The following CEP78 variants were observed in gnomAD, a reference collection of about 807,000 sequenced individuals.
CEP78 encodes the protein centrosomal protein of 78 kDa.
A neutral mutation model predicts 81.2 loss-of-function variants in CEP78; 76 were observed. That is an observed-to-expected ratio of 0.94 (90% CI 0.78 to 1.13). The LOEUF (loss-of-function observed/expected upper bound fraction) is 1.13. CEP78 is among the 50% of genes most tolerant of loss of function. CEP78 has a pLI of 0.00. For missense variants in CEP78, 918 were observed against 846.8 expected, an observed-to-expected ratio of 1.08 and a Z score of -1.04; for synonymous variants, 293 against 301.4, an observed-to-expected ratio of 0.97 and a Z score of 0.29.
Position 78,264,312 on chromosome 9 carries a change from G to T in CEP78, c.1621G>T (p.Ala541Ser). 6.2e-7 allele frequency: 1 copy of T among 1,612,854 alleles called. No individual in the cohort carries two copies. Among genetic ancestry groups the T allele is most frequent in the Admixed American group, 1.7e-5 (1 of 59,888 alleles). Reference sequence around the variant, plus strand: ...TGCTTTCTTGGATCTCCTTAAAGATGCTGGGTTAGTTACTTTCTCCCTATG... The same window carrying T: ...TGCTTTCTTGGATCTCCTTAAAGATTCTGGGTTAGTTACTTTCTCCCTATG... Reference protein sequence around the residue: ...FHAFLDLLKDAGLGQLATMAG... With the variant: ...FHAFLDLLKDSGLGQLATMAG... Residue 541 changes from alanine to serine, a missense_variant, in exon 13 of 17, where the codon GCT becomes TCT. Transcript: ENST00000643273.
chr9:78,266,485 A>C lies in CEP78; in HGVS notation c.1889A>C (p.Asp630Ala). 4 of 1,612,400 alleles carry C rather than the reference A, an allele frequency of 2.5e-6. No individual in the cohort carries two copies. Among genetic ancestry groups the C allele is most frequent in the Non-Finnish European group, 3.4e-6 (4 of 1,179,080 alleles). Reference sequence around the variant, plus strand: ...GATGCTAGAATTCCTTTGCCTCTCGACTCCTTTCCTGTCCCAGTTTCTACT... The same window carrying C: ...GATGCTAGAATTCCTTTGCCTCTCGCCTCCTTTCCTGTCCCAGTTTCTACT... ...TGDARIPLPL[D>A]SFPVPVSTPE... The change falls in exon 16 of 17, where the codon GAC becomes GCC. Residue 630 changes from aspartate to alanine, a missense_variant. Coordinates refer to ENST00000643273, the MANE Select transcript of CEP78 (RefSeq NM_001330691.3).
intron 11 of CEP78, 110 bp downstream of exon 11, chr9:78,255,074 G>A (rs973130229): frequency 1.2e-5 from 10 of 832,294 alleles, no homozygotes; most frequent in African/African-American, 7.0e-5. Context: ...TTCTGTTTTC[G>A]CCTTCCTTCT....
At position 78,251,985 on chromosome 9, in the gene CEP78, C is replaced by T. The variant is rs372591013; in HGVS notation, c.1147C>T (p.Pro383Ser). 9 of 1,607,314 alleles carry T rather than the reference C, an allele frequency of 5.6e-6. No individual in the cohort carries two copies. The highest frequency in any genetic ancestry group is 7.7e-6 in the Non-Finnish European group (9 of 1,175,312). The change falls in exon 9 of 17, where the codon CCA becomes TCA. Residue 383 changes from proline (P) to serine (S), a missense_variant. Pro to Ser is a moderately conservative substitution (Grantham distance 74). Transcript: ENST00000643273. ...AGAATATTATGCGCCCGCACCTCTT[C>T]CACCTGGTGTGTCTGGTTTCTTGCC... The part of the protein sequence containing the change: ...GKEYYAPAPL[P>S]PGVSGFLPWR...
intron 5 of CEP78, among the ~76,000 whole-genome samples, chr9:78,244,537 A>G (rs1475638799): frequency 1.3e-5 from 2 of 152,236 alleles, no homozygotes; most frequent in African/African-American, 2.4e-5. Context: ...ATGCTGTGCC[A>G]TATTATAGTC....
At chr9:78,263,603 G>A (rs1194127780) in intron 12 of CEP78, among the ~76,000 whole-genome samples, 3 of 152,116 alleles carry the variant, frequency 2.0e-5, no homozygotes, top group Non-Finnish European at 2.9e-5. Flanking sequence ...GGTGCTTTGT[G>A]AACACAGTGG....
chr9:78,251,850 A>C, intron 8 of CEP78, 58 bp from the exon 9 acceptor site: 1 of 1,494,728 alleles, frequency 6.7e-7, no homozygotes, highest in Non-Finnish European at 9.1e-7. Flanking sequence ...ACATGTGCCT[A>C]TTCATCTGTA....
Position 78,265,449 on chromosome 9 carries a change from C to T in CEP78, c.1703C>T (p.Thr568Ile). 2 of 1,599,404 alleles carry T rather than the reference C, an allele frequency of 1.3e-6. No homozygotes were observed. Among genetic ancestry groups the T allele is most frequent in the Non-Finnish European group, 1.7e-6 (2 of 1,172,540 alleles). Residue 568 changes from threonine (T) to isoleucine (I), a missense_variant, in exon 14 of 17, where the codon ACT becomes ATT. By Grantham distance (89) the Thr-to-Ile change is moderately conservative (BLOSUM62 -1). Coordinates refer to ENST00000643273, the MANE Select transcript of CEP78 (RefSeq NM_001330691.3). Reference protein sequence around the residue: ...QLLGHPQMTSTVSNPPKEEKK... With the variant: ...QLLGHPQMTSIVSNPPKEEKK... ...CTAGGTCATCCCCAGATGACTTCTA[C>T]TGTTAGTAATCCACCTAAAGAAGAA...
chr9:78,241,795 T>G lies in CEP78; in HGVS notation c.599T>G (p.Leu200Ter), dbSNP rs1261570969. ...GGAGCAGATCACATGGCCAAGATCT[T>G]AAAGGTAACTTTATGTTCCAACTTT... ...WQGADHMAKI[L>*]KYQTMRRHEE... The change falls in exon 4 of 17, where the codon TTA becomes TGA. Residue 200 changes from leucine to a stop codon, truncating the protein, a stop_gained. Transcript: ENST00000643273. LOFTEE classifies it high-confidence loss of function. 6.4e-7 allele frequency: 1 copy of G among 1,552,100 alleles called. No homozygotes were observed. The highest frequency in any genetic ancestry group is 8.9e-7 in the Non-Finnish European group (1 of 1,128,172).
At chr9:78,268,078 T>C (rs1400069774) in intron 16 of CEP78, among the ~76,000 whole-genome samples, 3 of 152,000 alleles carry the variant, frequency 2.0e-5, no homozygotes, top group Non-Finnish European at 2.9e-5. Flanking sequence ...TATATTACAT[T>C]CTATGGTGGA....
intron 16 of CEP78, chr9:78,267,064 TTTA>T (rs1827576679): frequency 9.0e-7 from 1 of 1,113,878 alleles, no homozygotes; most frequent in African/African-American, 1.6e-5. Flanking sequence ...TTCTTATGTT[TTTA>T]TTATGGCATA....
At chr9:78,261,982 C>G (rs1216475722) in intron 11 of CEP78, among the ~76,000 whole-genome samples, 1 of 151,994 alleles carries the variant, frequency 6.6e-6, no homozygotes, top group African/African-American at 2.4e-5. Context: ...TAAAAACCAC[C>G]TCTGCATGGT....
In CEP78 at chr9:78,241,758, C is replaced by G. The variant is rs770891882; in HGVS notation, c.562C>G (p.Leu188Val). Residue 188 changes from leucine (L) to valine (V), a missense_variant, in exon 4 of 17, where the codon CTG (leucine) becomes GTG (valine). Physicochemically the swap from Leu to Val is conservative, Grantham distance 32. Transcript: ENST00000643273. Reference sequence around the variant, plus strand: ...GACAGTCAACTTCACAGGATGTAATCTGACATGGCAGGGAGCAGATCACAT... The same window carrying G: ...GACAGTCAACTTCACAGGATGTAATGTGACATGGCAGGGAGCAGATCACAT... ...LKTVNFTGCN[L>V]TWQGADHMAK... 6.2e-6 allele frequency: 10 copies of G among 1,610,298 alleles called. No individual in the cohort carries two copies. In the South Asian group the frequency reaches 1.1e-4, roughly 18 times the overall value.
At chr9:78,246,621 A>G in intron 5 of CEP78, 48 bp from the exon 6 acceptor site, 1 of 1,268,702 alleles carries the variant, frequency 7.9e-7, no homozygotes, top group Non-Finnish European at 1.1e-6. Flanking sequence ...CAAACAAACA[A>G]AAAATCTGTA....
chr9:78,275,710 T>G lies in CEP78; in HGVS notation c.*4859T>G, dbSNP rs1827788601. ...CTTTGGGACACCAAAGTGGGAACAT[T>G]GCTGAGACCAGCAGTTTGAGACCAG... On this transcript the variant is annotated 3_prime_UTR_variant, in exon 17 of 17. Coordinates refer to ENST00000643273, the MANE Select transcript of CEP78 (RefSeq NM_001330691.3). The G allele has an allele frequency of 6.6e-6, 1 of 151,582 alleles. No individual in the cohort carries two copies. The highest frequency in any genetic ancestry group is 2.1e-4 in the South Asian group (1 of 4,790). The allele number at this position is 151,582 out of a possible 1,614,324, so 9.4% of individuals were successfully genotyped here. A position where few individuals can be genotyped will look rare whatever the true frequency, so the allele number is the denominator to read the frequency against.
rs1041860616 is a variant in CEP78, at chr9:78,276,312, T to C, written c.*5461T>C. On this transcript the variant is annotated 3_prime_UTR_variant, in exon 17 of 17. Transcript: ENST00000643273. ...AGAGTATGTGATAAATTCAACATCC[T>C]CTGGTATTCTTAACAATCTCGAAAT... 1 of 152,212 alleles carries C rather than the reference T, an allele frequency of 6.6e-6. No individual in the cohort carries two copies. The highest frequency in any genetic ancestry group is 1.5e-5 in the Non-Finnish European group (1 of 68,032). 9.4% of individuals were successfully genotyped at this position (152,212 alleles called of 1,614,324 possible).
rs1420257374 is a variant in CEP78 at position 78,279,040 on chromosome 9, T to C, written c.*8189T>C. On this transcript the variant is annotated 3_prime_UTR_variant, in exon 17 of 17. Transcript: ENST00000643273. ...AATGCCCGAGTTCTCTTAGTACAGT[T>C]TGTACATTTTAAACCACTGTGAACT... 6.8e-6 allele frequency: 1 copy of C among 146,382 alleles called. No homozygotes were observed. The highest frequency in any genetic ancestry group is 2.6e-5 in the African/African-American group (1 of 38,618). 9.1% of individuals were successfully genotyped at this position (146,382 alleles called of 1,614,324 possible).
intron 16 of CEP78, among the ~76,000 whole-genome samples, chr9:78,269,585 G>A (rs1386827891): frequency 6.6e-6 from 1 of 152,218 alleles, no homozygotes; most frequent in Non-Finnish European, 1.5e-5. Context: ...GGAAGAAGTA[G>A]AATACAGTGT....
chr9:78,238,180 G>A (rs930983059), intron 1 of CEP78, among the ~76,000 whole-genome samples: 57 of 152,112 alleles, frequency 3.7e-4, no homozygotes, highest in African/African-American at 1.1e-3. Context: ...ATGGATGGGC[G>A]TGGTGACTAG....
At position 78,263,992 on chromosome 9, in the gene CEP78, T is replaced by C. The variant is rs59459420; in HGVS notation, c.1459-158T>C. 2.7e-3 allele frequency: 1,166 copies of C among 427,140 alleles called. 13 individuals carry two copies. Among genetic ancestry groups the C allele is most frequent in the African/African-American group, 0.021 (1,017 of 48,744 alleles). 26.5% of individuals were successfully genotyped at this position (427,140 alleles called of 1,614,324 possible). A position where few individuals can be genotyped will look rare whatever the true frequency, so the allele number is the denominator to read the frequency against. On this transcript the variant is annotated intron_variant, in intron 12 of 16. Transcript: ENST00000643273. ...GGAGGTTTTGTCAGTTATCTCCAGG[T>C]TTTGATTGTTATTTAATATGGTCTG...
Sources: gnomAD v4.1 joint callset for allele counts (sites outside exome capture counted in the v4.1 genomes callset) on GRCh38, gnomAD v4.1.1 for gene constraint, MANE v1.5 for transcripts, NCBI Gene and HGNC (gene_info 2026-07-23, HGNC 2026-07-21) for gene names.